The following CSMD3 variants were observed in gnomAD, a reference collection of about 807,000 sequenced individuals.
CSMD3 encodes CUB and sushi domain-containing protein 3.
A neutral mutation model predicts 435.2 loss-of-function variants in CSMD3; 177 were observed. That is an observed-to-expected ratio of 0.41 (90% CI 0.36 to 0.46). CSMD3 has a LOEUF of 0.46. Among genes scored for constraint, CSMD3 ranks in the 20% least tolerant of loss-of-function variants. The probability of loss-of-function intolerance (pLI) is 0.34; values close to 1 mark genes in which losing one functional copy is unlikely to be tolerated. For synonymous variants in CSMD3, 1,656 were observed against 1,520.5 expected (o/e 1.09, Z -2.07); for missense variants, 4,265 against 4,504.6 (o/e 0.95, Z 1.52).
At chr8:113,124,492 G>GA (rs143858572) in intron 4 of CSMD3, among the ~76,000 whole-genome samples, 102,916 of 151,040 alleles carry the variant, frequency 0.68, 36,838 homozygotes, top group East Asian at 0.95. Flanking sequence ...TGGGAAAAAA[G>GA]AAAAAAAACC....
At chr8:112,989,363 C>A (rs186322138) in intron 6 of CSMD3, among the ~76,000 whole-genome samples, 1 of 151,852 alleles carries the variant, frequency 6.6e-6, no homozygotes, top group Admixed American at 6.6e-5. Context: ...TACTATGTTC[C>A]ACAGTCTCTT....
At chr8:113,416,766 T>C (rs1377644348) in intron 1 of CSMD3, among the ~76,000 whole-genome samples, 1 of 152,122 alleles carries the variant, frequency 6.6e-6, no homozygotes, top group Admixed American at 6.6e-5. Flanking sequence ...GGTCCTATTA[T>C]TTTTACTAAA....
intron 16 of CSMD3, among the ~76,000 whole-genome samples, chr8:112,677,322 A>G (rs1183524985): frequency 6.6e-6 from 1 of 151,592 alleles, no homozygotes; most frequent in East Asian, 1.9e-4. Context: ...TTTACAAGCT[A>G]TCTTGAATGG....
chr8:112,997,387 A>G (rs991484486), intron 6 of CSMD3, among the ~76,000 whole-genome samples: 2 of 151,624 alleles, frequency 1.3e-5, no homozygotes, highest in African/African-American at 4.8e-5. Flanking sequence ...TCCAATTTAT[A>G]ATGTACATTA....
intron 2 of CSMD3, among the ~76,000 whole-genome samples, chr8:113,295,988 T>A (rs1438148217): frequency 6.6e-6 from 1 of 152,020 alleles, no homozygotes; most frequent in Non-Finnish European, 1.5e-5. Flanking sequence ...TAAGTTCACG[T>A]CCTTTGTAGG....
chr8:112,330,895 T>A (rs1480873072), intron 45 of CSMD3, among the ~76,000 whole-genome samples: 2 of 152,018 alleles, frequency 1.3e-5, no homozygotes, highest in East Asian at 3.8e-4. Context: ...TTGTTTTGAT[T>A]TTTCAAAAAG....
chr8:112,958,783 T>A (rs1178087329), intron 7 of CSMD3, among the ~76,000 whole-genome samples: 2 of 152,288 alleles, frequency 1.3e-5, no homozygotes, highest in East Asian at 1.9e-4. Flanking sequence ...TGTCTTTATG[T>A]TTTATGTTAC....
At chr8:113,027,587 G>T (rs1382573854) in intron 5 of CSMD3, among the ~76,000 whole-genome samples, 5 of 152,064 alleles carry the variant, frequency 3.3e-5, no homozygotes, top group African/African-American at 4.8e-5. Context: ...ATTCTGCATG[G>T]TTTAAAAAAT....
At chr8:112,791,334 A>G (rs2078687388) in intron 13 of CSMD3, among the ~76,000 whole-genome samples, 3 of 151,550 alleles carry the variant, frequency 2.0e-5, no homozygotes, top group Non-Finnish European at 4.4e-5. Context: ...AAAAAAAAAA[A>G]AAAAAAGGAA....
intron 30 of CSMD3, among the ~76,000 whole-genome samples, chr8:112,497,184 A>T (rs1821437082): frequency 6.6e-6 from 1 of 152,216 alleles, no homozygotes; most frequent in Middle Eastern, 3.4e-3. Flanking sequence ...GTAGAGATAG[A>T]GAGTAGAATG....
At chr8:113,297,014 A>G (rs927194726) in intron 2 of CSMD3, among the ~76,000 whole-genome samples, 1 of 152,300 alleles carries the variant, frequency 6.6e-6, no homozygotes, top group East Asian at 1.9e-4. Context: ...GTTAAACACA[A>G]CATTATTTAT....
intron 35 of CSMD3, among the ~76,000 whole-genome samples, chr8:112,401,833 C>A (rs943948605): frequency 6.6e-6 from 1 of 152,104 alleles, no homozygotes; most frequent in African/African-American, 2.4e-5. Context: ...AATGACAGTA[C>A]TCAATGCTTT....
intron 9 of CSMD3, among the ~76,000 whole-genome samples, chr8:112,946,814 G>T (rs1342530290): frequency 6.6e-6 from 1 of 151,558 alleles, no homozygotes; most frequent in African/African-American, 2.4e-5. Flanking sequence ...TTACAATTGT[G>T]TTTGTGTGGA....
intron 3 of CSMD3, among the ~76,000 whole-genome samples, chr8:113,200,076 C>A (rs527334722): frequency 1.3e-5 from 2 of 151,918 alleles, no homozygotes; most frequent in Non-Finnish European, 2.9e-5. Context: ...TCAAATTTCA[C>A]GTATCCAAAA....
chr8:113,061,846 T>A (rs1296324266), intron 5 of CSMD3, among the ~76,000 whole-genome samples: 1 of 151,720 alleles, frequency 6.6e-6, no homozygotes, highest in Non-Finnish European at 1.5e-5. Context: ...TGTAGATGCA[T>A]AGCCCATTCA....
At chr8:112,914,586 CAGA>C (rs2082521499) in intron 10 of CSMD3, among the ~76,000 whole-genome samples, 1 of 151,188 alleles carries the variant, frequency 6.6e-6, no homozygotes, top group Non-Finnish European at 1.5e-5. Context: ...TCATATCAAG[CAGA>C]AGACCAGTGA....
At chr8:113,141,293 C>T (rs1156589995) in intron 4 of CSMD3, among the ~76,000 whole-genome samples, 1 of 150,190 alleles carries the variant, frequency 6.7e-6, no homozygotes, top group Non-Finnish European at 1.5e-5. Flanking sequence ...TCCAAAAAAA[C>T]AGAACAGGAG....
intron 2 of CSMD3, among the ~76,000 whole-genome samples, chr8:113,286,141 A>G (rs142371966): frequency 6.6e-6 from 1 of 152,172 alleles, no homozygotes; most frequent in East Asian, 1.9e-4. Flanking sequence ...GTTTTACTAG[A>G]CAAGAAACTC....
At chr8:112,983,900 G>C (rs1012430512) in intron 6 of CSMD3, among the ~76,000 whole-genome samples, 1 of 151,950 alleles carries the variant, frequency 6.6e-6, no homozygotes, top group Admixed American at 6.6e-5. Flanking sequence ...GCATAAATAC[G>C]CTCAAGTAAA....
Sources: allele counts gnomAD v4.1 joint callset (sites outside exome capture counted in the v4.1 genomes callset), GRCh38; gene constraint gnomAD v4.1.1; transcripts MANE v1.5; gene names NCBI Gene and HGNC (gene_info 2026-07-23, HGNC 2026-07-21).